Variants in LARS2 observed in about 807,000 individuals in gnomAD.
The protein encoded by LARS2 is leucyl-tRNA synthetase 2, mitochondrial, also known as leucine--tRNA ligase, mitochondrial.
LARS2 carries 81 observed loss-of-function variants against 116.6 expected under a neutral mutation model. That is an observed-to-expected ratio of 0.69 (90% CI 0.58 to 0.84). The LOEUF (loss-of-function observed/expected upper bound fraction) is 0.84, where lower values mean the gene tolerates loss of function less well. LARS2 is among the 40% of genes least tolerant of loss of function. LARS2 has a pLI of 0.00. For missense variants in LARS2, 968 were observed against 1,114.5 expected (o/e 0.87, Z 1.87); for synonymous variants, 396 against 407.2 (o/e 0.97, Z 0.33).
At chr3:45,400,442 T>C in intron 4 of LARS2, 69 bp downstream of exon 4, 1 of 1,461,122 alleles carries the variant, frequency 6.8e-7, no homozygotes, top group South Asian at 1.5e-5. Flanking sequence ...GTAATATGTG[T>C]TCAAGACAAA....
chr3:45,477,474 T>C (rs1699635289), intron 10 of LARS2, among the ~76,000 whole-genome samples: 1 of 152,174 alleles, frequency 6.6e-6, no homozygotes, highest in Non-Finnish European at 1.5e-5. Context: ...TTGACTGCTG[T>C]AACTGGGGCC....
At chr3:45,468,806 C>T (rs1331400203) in intron 8 of LARS2, among the ~76,000 whole-genome samples, 1 of 152,190 alleles carries the variant, frequency 6.6e-6, no homozygotes, top group Non-Finnish European at 1.5e-5. Context: ...CATCCTTTTC[C>T]ACAGATCACG....
intron 3 of LARS2, among the ~76,000 whole-genome samples, chr3:45,396,017 G>A (rs1698037491): frequency 6.6e-6 from 1 of 152,222 alleles, no homozygotes; most frequent in Admixed American, 6.5e-5. Context: ...AATTCTGAGT[G>A]AGGACAGTAA....
chr3:45,466,584 T>C (rs1258882062), intron 8 of LARS2, among the ~76,000 whole-genome samples: 1 of 152,148 alleles, frequency 6.6e-6, no homozygotes, highest in African/African-American at 2.4e-5. Context: ...GGGGGCTGAT[T>C]GCCATCCTGA....
At chr3:45,531,477 A>C (rs555335120) in intron 20 of LARS2, among the ~76,000 whole-genome samples, 23 of 152,230 alleles carry the variant, frequency 1.5e-4, no homozygotes, top group Admixed American at 1.4e-3. Flanking sequence ...TCCTGGGCTC[A>C]AGCAGACCTC....
chr3:45,473,647 G>GGC, intron 8 of LARS2, among the ~76,000 whole-genome samples: 1 of 150,428 alleles, frequency 6.6e-6, no homozygotes, highest in East Asian at 1.9e-4. Context: ...GCCTGCCAAA[G>GGC]TGCTGATATT....
chr3:45,416,734 G>C (rs1323707089), intron 4 of LARS2, among the ~76,000 whole-genome samples: 1 of 152,134 alleles, frequency 6.6e-6, no homozygotes, highest in Admixed American at 6.5e-5. Flanking sequence ...AAATGTAATA[G>C]CTATGTGTGG....
At chr3:45,430,262 G>C (rs1192108278) in intron 6 of LARS2, among the ~76,000 whole-genome samples, 1 of 139,050 alleles carries the variant, frequency 7.2e-6, no homozygotes, top group Non-Finnish European at 1.5e-5. Flanking sequence ...GTGAGCCACC[G>C]CACCCGGCCA....
Position 45,417,482 on chromosome 3 carries a change from G to A in LARS2, c.364G>A (p.Val122Ile), listed in dbSNP as rs911830225. The A allele has an allele frequency of 1.1e-5, 17 of 1,612,460 alleles. No individual in the cohort carries two copies. The highest frequency in any genetic ancestry group is 1.4e-5 in the Non-Finnish European group (17 of 1,178,516). ...TTGATGTTCCTCTTCTGGGTCCTAGGTCATCAACCCCATGGGATGGGATGC... is the reference window on the plus strand; with the variant it reads ...TTGATGTTCCTCTTCTGGGTCCTAGATCATCAACCCCATGGGATGGGATGC... ...ARFQKMRGMQ[V>I]INPMGWDAFG... Residue 122 changes from valine (V) to isoleucine (I), a missense_variant and splice_region_variant, in exon 5 of 22, where the codon GTC (valine) becomes ATC (isoleucine). Coordinates refer to ENST00000645846, the MANE Select transcript of LARS2 (RefSeq NM_015340.4).
intron 6 of LARS2, among the ~76,000 whole-genome samples, chr3:45,440,230 CA>C (rs1293742963): frequency 8.5e-5 from 13 of 152,166 alleles, no homozygotes; most frequent in African/African-American, 3.1e-4. Context: ...ATAGGAATGC[CA>C]AGGCTAGTTT....
intron 7 of LARS2, among the ~76,000 whole-genome samples, chr3:45,450,922 A>G (rs1287890642): frequency 6.6e-6 from 1 of 152,070 alleles, no homozygotes; most frequent in Non-Finnish European, 1.5e-5. Flanking sequence ...TTTGATTTGC[A>G]CTTCCCTGAT....
Position 45,477,773 on chromosome 3 carries a change from T to TA in LARS2, c.1018+1153dup, listed in dbSNP as rs1699639443. On this transcript the variant is annotated intron_variant, in intron 10 of 21. Transcript: ENST00000645846. ...ATTGGGGTCTGAAATAGCATTTGAC[T>TA]AAAAAAATGTTTTGGATGATGATAT... Among the ~76,000 whole-genome samples, 3 of 152,328 alleles carry TA rather than the reference T, an allele frequency of 2.0e-5. No individual in the cohort carries two copies. The South Asian group carries it at 6.2e-4, about 32-fold the overall frequency.
At chr3:45,393,917 C>T (rs920879261) in intron 2 of LARS2, among the ~76,000 whole-genome samples, 3 of 152,212 alleles carry the variant, frequency 2.0e-5, no homozygotes, top group African/African-American at 7.2e-5. Context: ...TTTTCTGGTT[C>T]AGCCTACAGG....
chr3:45,403,903 C>T (rs976960410), intron 4 of LARS2, among the ~76,000 whole-genome samples: 8 of 152,188 alleles, frequency 5.3e-5, no homozygotes, highest in African/African-American at 9.6e-5. Context: ...CTTTCTTAAT[C>T]TTTAACATAG....
At chr3:45,452,122 T>C (rs999584668) in intron 7 of LARS2, among the ~76,000 whole-genome samples, 3 of 152,184 alleles carry the variant, frequency 2.0e-5, no homozygotes, top group Admixed American at 1.3e-4. Flanking sequence ...TAAAATCATG[T>C]TGTCTGCAAA....
chr3:45,535,221 C>T (rs1559500221), intron 20 of LARS2, among the ~76,000 whole-genome samples: 1 of 152,072 alleles, frequency 6.6e-6, no homozygotes, highest in Non-Finnish European at 1.5e-5. Flanking sequence ...CGTGGTGGCA[C>T]ATGCCTATAA....
chr3:45,476,330 C>T, intron 9 of LARS2, 138 bp from the exon 10 acceptor site: 1 of 879,330 alleles, frequency 1.1e-6, no homozygotes, highest in Middle Eastern at 2.5e-4. Context: ...ATCTCAATCC[C>T]CACACCCCTG....
chr3:45,486,001 C>T (rs531398812), intron 11 of LARS2, among the ~76,000 whole-genome samples: 6 of 51,832 alleles, frequency 1.2e-4, no homozygotes, highest in South Asian at 1.2e-3. Flanking sequence ...GTACTTTGCT[C>T]GTTGCTACTG....
chr3:45,445,792 A>T (rs983708113), intron 6 of LARS2, among the ~76,000 whole-genome samples: 4 of 152,232 alleles, frequency 2.6e-5, no homozygotes, highest in Non-Finnish European at 2.9e-5. Context: ...GGGGGCACAG[A>T]TGTTTACCTG....
Sources: gnomAD v4.1 joint callset for allele counts (sites outside exome capture counted in the v4.1 genomes callset) on GRCh38, gnomAD v4.1.1 for gene constraint, MANE v1.5 for transcripts, NCBI Gene and HGNC (gene_info 2026-07-23, HGNC 2026-07-21) for gene names.